PPP6R3: variants seen among roughly 807,000 people sequenced by gnomAD.
PPP6R3 encodes serine/threonine-protein phosphatase 6 regulatory subunit 3.
PPP6R3 carries 38 observed loss-of-function variants against 110.7 expected under a neutral mutation model. The observed-to-expected ratio is 0.34, with a 90% confidence interval of 0.26 to 0.45. The LOEUF (loss-of-function observed/expected upper bound fraction) is 0.45. Ranked by LOEUF, PPP6R3 falls within the 20% of genes least tolerant of loss-of-function variation. The probability of loss-of-function intolerance (pLI) is 1.00; values close to 1 mark genes in which losing one functional copy is unlikely to be tolerated. For missense variants in PPP6R3, 870 were observed against 1,062.4 expected (o/e 0.82, Z 2.52); for synonymous variants, 369 against 373.5 (o/e 0.99, Z 0.14).
At chr11:68,587,652 T>C (rs2099583009) in intron 15 of PPP6R3, 1 of 486,104 alleles carries the variant, frequency 2.1e-6, no homozygotes, top group South Asian at 2.1e-5. Flanking sequence ...TCCAAACCTC[T>C]CTCTAAAGAT....
chr11:68,540,116 G>A (rs1314652019), intron 3 of PPP6R3, among the ~76,000 whole-genome samples: 2 of 152,212 alleles, frequency 1.3e-5, no homozygotes, highest in African/African-American at 4.8e-5. Context: ...GGCCTGGTAG[G>A]CTCAGCCAGG....
At chr11:68,481,637 A>G (rs2098913799) in intron 1 of PPP6R3, among the ~76,000 whole-genome samples, 1 of 152,238 alleles carries the variant, frequency 6.6e-6, no homozygotes, top group African/African-American at 2.4e-5. Context: ...TATCTCTAGA[A>G]GAAACTAGAG....
chr11:68,530,872 A>G (rs1386849271), intron 2 of PPP6R3, among the ~76,000 whole-genome samples: 1 of 152,208 alleles, frequency 6.6e-6, no homozygotes, highest in Non-Finnish European at 1.5e-5. Context: ...GTTCATATGA[A>G]TAGGAGATTT....
In PPP6R3 at chr11:68,615,286, C is replaced by T. The variant is rs1945071174; in HGVS notation, c.*2169C>T. 1 of 354,192 alleles carries T rather than the reference C, an allele frequency of 2.8e-6. No homozygotes were observed. Among genetic ancestry groups the T allele is most frequent in the Admixed American group, 3.8e-5 (1 of 26,538 alleles). The allele number at this position is 354,192 out of a possible 1,614,324, so 21.9% of individuals were successfully genotyped here. On this transcript the variant is annotated 3_prime_UTR_variant, in exon 24 of 24. Coordinates refer to ENST00000393800, the MANE Select transcript of PPP6R3 (RefSeq NM_001164161.2). The stretch of plus-strand genomic sequence containing the variant: ...ACTAACAGATGTCTACAATACAATA[C>T]CTGTATTCAAAATAACAAAAATAAA...
At chr11:68,582,110 A>T (rs1247409086) in intron 14 of PPP6R3, among the ~76,000 whole-genome samples, 1 of 152,236 alleles carries the variant, frequency 6.6e-6, no homozygotes, top group Admixed American at 6.5e-5. Flanking sequence ...ATGAGTTGGC[A>T]GGTAGCAGCA....
chr11:68,511,009 G>A (rs937303355), intron 1 of PPP6R3, among the ~76,000 whole-genome samples: 1 of 151,588 alleles, frequency 6.6e-6, no homozygotes, highest in Non-Finnish European at 1.5e-5. Context: ...TTAACATTTT[G>A]GTTAAATCAC....
intron 1 of PPP6R3, among the ~76,000 whole-genome samples, chr11:68,476,450 G>A (rs546890954): frequency 1.7e-3 from 245 of 146,642 alleles, no homozygotes; most frequent in Middle Eastern, 6.9e-3. Flanking sequence ...GAGGGAGACC[G>A]TGGGGAGAGG....
At chr11:68,577,137 A>G (rs2153809468) in intron 14 of PPP6R3, among the ~76,000 whole-genome samples, 1 of 152,386 alleles carries the variant, frequency 6.6e-6, no homozygotes, top group Middle Eastern at 3.4e-3. Context: ...CTAAGGCCTA[A>G]TAGCCCGAGT....
At chr11:68,558,492 A>ACCGT in intron 7 of PPP6R3, 74 bp from the exon 8 acceptor site, 1 of 892,394 alleles carries the variant, frequency 1.1e-6, no homozygotes, top group Non-Finnish European at 1.8e-6. Flanking sequence ...CTTGTCTTGT[A>ACCGT]CCGTCGTCTT....
At chr11:68,545,110 A>G (rs2099344422) in intron 4 of PPP6R3, 86 bp downstream of exon 4, 1 of 1,094,910 alleles carries the variant, frequency 9.1e-7, no homozygotes, top group East Asian at 2.5e-5. Context: ...TAAGAGTTCT[A>G]ACTTTGCCTT....
intron 14 of PPP6R3, among the ~76,000 whole-genome samples, chr11:68,582,657 C>T (rs967073892): frequency 2.0e-5 from 3 of 152,224 alleles, no homozygotes; most frequent in African/African-American, 7.2e-5. Flanking sequence ...TGCAGTTGGA[C>T]CCTGCAGGCC....
chr11:68,480,667 T>C (rs2098901038), intron 1 of PPP6R3, among the ~76,000 whole-genome samples: 1 of 152,248 alleles, frequency 6.6e-6, no homozygotes, highest in Non-Finnish European at 1.5e-5. Context: ...GCTGGTATTA[T>C]CTGCTATTTT....
intron 15 of PPP6R3, 48 bp downstream of exon 15, chr11:68,583,177 A>G (rs2099568146): frequency 2.9e-6 from 4 of 1,361,394 alleles, no homozygotes; most frequent in Non-Finnish European, 4.0e-6. Flanking sequence ...TTAAATGCTT[A>G]GTTTAGTTGC....
At chr11:68,479,253 G>A (rs1392761503) in intron 1 of PPP6R3, among the ~76,000 whole-genome samples, 2 of 152,162 alleles carry the variant, frequency 1.3e-5, no homozygotes, top group African/African-American at 2.4e-5. Context: ...ACCTGTAACC[G>A]CTATTAAACA....
chr11:68,546,783 C>G (rs1428231165), intron 4 of PPP6R3, among the ~76,000 whole-genome samples: 1 of 152,196 alleles, frequency 6.6e-6, no homozygotes, highest in Non-Finnish European at 1.5e-5. Context: ...TGCCACAGGT[C>G]CCTGTTGACA....
intron 1 of PPP6R3, among the ~76,000 whole-genome samples, chr11:68,482,140 C>G (rs751045861): frequency 1.3e-5 from 2 of 148,334 alleles, no homozygotes; most frequent in Non-Finnish European, 3.0e-5. Flanking sequence ...GCATTTATCA[C>G]TTTGGGAGGC....
rs1475087497 is a variant in PPP6R3, at chr11:68,528,436, G to GT, written c.-7+8785_-7+8786insT. Among the ~76,000 whole-genome samples the GT allele has an allele frequency of 1.7e-3, 126 of 72,896 alleles. 1 individual carries two copies. The highest frequency in any genetic ancestry group is 0.013 in the Middle Eastern group (1 of 80). 47.8% of individuals were successfully genotyped at this position (72,896 alleles called of 152,430 possible). ...TATTTGATTTAATTTGTGTGTGTGG[G>GT]GGGGGGGGCTGCACCTTTATGAAAT... On this transcript the variant is annotated intron_variant, in intron 2 of 23. Coordinates refer to ENST00000393800, the MANE Select transcript of PPP6R3 (RefSeq NM_001164161.2).
At position 68,596,788 on chromosome 11, in the gene PPP6R3, G is replaced by A. The variant is rs180909097; in HGVS notation, c.2038+570G>A. On this transcript the variant is annotated intron_variant, in intron 19 of 23. Transcript: ENST00000393800. ...ACTTCTAAAGGTTTGGGAAACAAACGTTCATGTGAAGGAGCCATATGGGCT... is the reference window on the plus strand; with the variant it reads ...ACTTCTAAAGGTTTGGGAAACAAACATTCATGTGAAGGAGCCATATGGGCT... 2.0e-4 allele frequency among the ~76,000 whole-genome samples: 30 copies of A among 152,296 alleles called. No individual in the cohort carries two copies. In the East Asian group the frequency reaches 2.3e-3, roughly 12 times the overall value.
At chr11:68,596,767 C>T (rs895873978) in intron 19 of PPP6R3, among the ~76,000 whole-genome samples, 1 of 152,324 alleles carries the variant, frequency 6.6e-6, no homozygotes, top group African/African-American at 2.4e-5. Flanking sequence ...TCAAAAACTT[C>T]TAAAGGTTTG....
Sources: gnomAD v4.1 joint callset for allele counts (sites outside exome capture counted in the v4.1 genomes callset) on GRCh38, gnomAD v4.1.1 for gene constraint, MANE v1.5 for transcripts, NCBI Gene and HGNC (gene_info 2026-07-23, HGNC 2026-07-21) for gene names.